Variants in C11orf65 observed in about 807,000 individuals in gnomAD.
C11orf65 encodes protein MFI.
C11orf65 carries 38 observed loss-of-function variants against 35.3 expected under a neutral mutation model. The observed-to-expected ratio is 1.08, with a 90% CI of 0.83 to 1.41. The LOEUF is 1.41. Ranked by LOEUF, C11orf65 falls within the 40% of genes most tolerant of loss-of-function variation. The pLI is 0.00. For missense variants in C11orf65, 370 were observed against 367.1 expected (o/e 1.01, Z -0.06); for synonymous variants, 105 against 114.4 (o/e 0.92, Z 0.53).
At chr11:108,342,600 T>C (rs1318640325) in intron 2 of C11orf65, among the ~76,000 whole-genome samples, 1 of 152,164 alleles carries the variant, frequency 6.6e-6, no homozygotes, top group Non-Finnish European at 1.5e-5. Flanking sequence ...CCCCAGCAAA[T>C]GTGAGAAAAT....
chr11:108,362,272 T>C (rs973887153), intron 2 of C11orf65, among the ~76,000 whole-genome samples: 11 of 150,128 alleles, frequency 7.3e-5, no homozygotes, highest in Non-Finnish European at 1.3e-4. Context: ...CCAGTTAGAA[T>C]GGCAGTCATT....
intron 8 of C11orf65, 63 bp downstream of exon 8, chr11:108,385,857 G>T (rs575199352): frequency 1.6e-6 from 2 of 1,289,610 alleles, no homozygotes; most frequent in East Asian, 4.6e-5. Flanking sequence ...CTAGAAATAC[G>T]TGTGTGGAAT....
chr11:108,427,547 G>A (rs531578009), intron 3 of C11orf65, among the ~76,000 whole-genome samples: 98 of 150,274 alleles, frequency 6.5e-4, no homozygotes, highest in African/African-American at 2.2e-3. Flanking sequence ...GTGAAACCCC[G>A]TCTCTACTAA....
chr11:108,399,151 GA>G (rs1382653164), intron 6 of C11orf65, among the ~76,000 whole-genome samples: 5 of 152,110 alleles, frequency 3.3e-5, no homozygotes, highest in African/African-American at 9.6e-5. Context: ...GGTGCCGGGG[GA>G]AAAAATGACA....
chr11:108,375,953 G>A (rs2091711160), intron 2 of C11orf65, among the ~76,000 whole-genome samples: 1 of 152,152 alleles, frequency 6.6e-6, no homozygotes, highest in African/African-American at 2.4e-5. Flanking sequence ...ACATATATAT[G>A]CAACCAATAC....
chr11:108,358,120 A>C (rs2090248901), intron 2 of C11orf65, among the ~76,000 whole-genome samples: 1 of 151,530 alleles, frequency 6.6e-6, no homozygotes, highest in Non-Finnish European at 1.5e-5. Flanking sequence ...GGAGCTGAAA[A>C]TCAAGGCTCG....
intron 2 of C11orf65, chr11:108,343,155 CTGAA>C: frequency 6.3e-7 from 1 of 1,585,876 alleles, no homozygotes; most frequent in Non-Finnish European, 8.7e-7. Flanking sequence ...ACTCTGATAG[CTGAA>C]TGATCATCAA....
At chr11:108,459,279 G>A (rs776437878) in intron 2 of C11orf65, among the ~76,000 whole-genome samples, 3 of 152,038 alleles carry the variant, frequency 2.0e-5, no homozygotes, top group Non-Finnish European at 4.4e-5. Context: ...AGACTCCAGG[G>A]TTTCTTTGTG....
intron 6 of C11orf65, among the ~76,000 whole-genome samples, chr11:108,393,895 C>T (rs372975727): frequency 6.6e-6 from 1 of 152,076 alleles, no homozygotes; most frequent in Non-Finnish European, 1.5e-5. Context: ...TAAAAAGACA[C>T]AGCCAGGCCC....
downstream of C11orf65, among the ~76,000 whole-genome samples, chr11:108,377,986 A>G: frequency 6.6e-6 from 1 of 150,786 alleles, no homozygotes; most frequent in African/African-American, 2.4e-5. Context: ...AAAAGAGGAT[A>G]CAAACAAATG....
chr11:108,466,604 TA>T (rs1457526252), intron 1 of C11orf65, among the ~76,000 whole-genome samples: 1 of 152,040 alleles, frequency 6.6e-6, no homozygotes, highest in African/African-American at 2.4e-5. Flanking sequence ...ACTAACCAAA[TA>T]AAATGTACTA....
chr11:108,443,210 G>C (rs2093188239), intron 2 of C11orf65, among the ~76,000 whole-genome samples: 2 of 150,908 alleles, frequency 1.3e-5, no homozygotes, highest in African/African-American at 2.4e-5. Flanking sequence ...CACCAACAAA[G>C]ATCAAAAGAG....
chr11:108,312,288 G>A (rs540506269), intron 6 of C11orf65: 1 of 730,640 alleles, frequency 1.4e-6, no homozygotes, highest in Non-Finnish European at 2.4e-6. Context: ...TAAAGTATAA[G>A]TGATTTATTC....
intron 2 of C11orf65, among the ~76,000 whole-genome samples, chr11:108,435,053 G>C (rs1412196346): frequency 6.6e-6 from 1 of 152,200 alleles, no homozygotes; most frequent in Admixed American, 6.5e-5. Flanking sequence ...TAGATGCTCT[G>C]AATGAATATC....
chr11:108,376,393 G>A (rs541854885), intron 2 of C11orf65, among the ~76,000 whole-genome samples: 3 of 152,286 alleles, frequency 2.0e-5, no homozygotes, highest in Non-Finnish European at 2.9e-5. Flanking sequence ...AGTACATAAC[G>A]AAATGAAGGC....
chr11:108,318,078 A>G lies in C11orf65; in HGVS notation c.641-9007T>C, dbSNP rs188914701. Among the ~76,000 whole-genome samples the G allele has an allele frequency of 5.3e-5, 8 of 152,196 alleles. No homozygotes were observed. In the East Asian group the frequency reaches 1.2e-3, roughly 22 times the overall value. On this transcript the variant is annotated intron_variant, in intron 6 of 6. Coordinates refer to the C11orf65 transcript ENST00000525729. ...ATATTTTCTTTTATTAAAAAATAAT[A>G]CGGCCAGGCACGGTGGCTCATGCCT...
chr11:108,340,691 AAGAC>A (rs2087445854), intron 2 of C11orf65, among the ~76,000 whole-genome samples: 1 of 152,174 alleles, frequency 6.6e-6, no homozygotes, highest in African/African-American at 2.4e-5. Context: ...AAAATTGTCT[AAGAC>A]AGAGTACTCT....
chr11:108,452,923 G>C (rs1448832304), intron 2 of C11orf65, among the ~76,000 whole-genome samples: 1 of 146,498 alleles, frequency 6.8e-6, no homozygotes, highest in Non-Finnish European at 1.5e-5. Flanking sequence ...CACCGCATGT[G>C]CTCCCTCATA....
downstream of C11orf65, chr11:108,382,685 G>A (rs924314786): frequency 1.1e-5 from 8 of 730,296 alleles, no homozygotes; most frequent in Admixed American, 1.9e-4. Context: ...TAAAGGGACC[G>A]AGAGCTCTGC....
Sources: gnomAD v4.1 joint callset for allele counts (sites outside exome capture counted in the v4.1 genomes callset) on GRCh38, gnomAD v4.1.1 for gene constraint, MANE v1.5 for transcripts, NCBI Gene and HGNC (gene_info 2026-07-23, HGNC 2026-07-21) for gene names.